Variants in TLE4 observed in about 807,000 individuals in gnomAD.
TLE4 encodes the protein transducin-like enhancer protein 4.
TLE4 carries 8 observed loss-of-function variants against 92.8 expected under a neutral mutation model. The observed-to-expected ratio is 0.09, with a 90% confidence interval of 0.05 to 0.16. The LOEUF (loss-of-function observed/expected upper bound fraction) is 0.16, where lower values mean the gene tolerates loss of function less well. TLE4 is among the 10% of genes least tolerant of loss of function. TLE4 has a pLI of 1.00. For missense variants in TLE4, 675 were observed against 997.6 expected (o/e 0.68, Z 4.36); for synonymous variants, 371 against 374.1 (o/e 0.99, Z 0.10).
chr9:79,578,618 G>T (rs916868812), intron 4 of TLE4, among the ~76,000 whole-genome samples: 9 of 152,122 alleles, frequency 5.9e-5, no homozygotes, highest in Non-Finnish European at 1.0e-4. Context: ...TGTTGATTCT[G>T]ATAGAGAACT....
intron 6 of TLE4, among the ~76,000 whole-genome samples, chr9:79,640,566 C>T (rs1215398197): frequency 6.6e-6 from 1 of 151,988 alleles, no homozygotes; most frequent in Non-Finnish European, 1.5e-5. Flanking sequence ...TACCTAGTTA[C>T]TTATGTTCCA....
chr9:79,575,342 A>G (rs1328520291), intron 3 of TLE4, among the ~76,000 whole-genome samples: 1 of 152,232 alleles, frequency 6.6e-6, no homozygotes, highest in Non-Finnish European at 1.5e-5. Context: ...TCTTATTATT[A>G]AAGACATTAT....
chr9:79,605,761 T>C (rs1189935095), intron 4 of TLE4, among the ~76,000 whole-genome samples: 1 of 152,130 alleles, frequency 6.6e-6, no homozygotes, highest in African/African-American at 2.4e-5. Context: ...GACAAATAAA[T>C]GGGACACTTG....
rs556511951 is a variant in TLE4 at position 79,685,151 on chromosome 9, A to T, written c.610-19632A>T. On this transcript the variant is annotated intron_variant, in intron 8 of 19. Coordinates refer to ENST00000376552, the MANE Select transcript of TLE4 (RefSeq NM_007005.6). ...CACCTCTTGTGTTTGAAATAACACA[A>T]AGAGTATTGTTTCCAAGACGACTTT... 3.3e-5 allele frequency among the ~76,000 whole-genome samples: 5 copies of T among 152,304 alleles called. No homozygotes were observed. The South Asian group carries it at 1.0e-3, about 32-fold the overall frequency.
chr9:79,634,591 A>G (rs1407534708), intron 6 of TLE4, among the ~76,000 whole-genome samples: 1 of 152,124 alleles, frequency 6.6e-6, no homozygotes, highest in Non-Finnish European at 1.5e-5. Context: ...AACTGCCACC[A>G]CAATCAAGAT....
chr9:79,595,908 A>G (rs974812196), intron 4 of TLE4, among the ~76,000 whole-genome samples: 16 of 146,394 alleles, frequency 1.1e-4, no homozygotes, highest in South Asian at 6.4e-4. Flanking sequence ...GTGCAGTGGC[A>G]CGATCTCAGC....
At chr9:79,668,494 C>G (rs1359069877) in intron 8 of TLE4, among the ~76,000 whole-genome samples, 3 of 152,092 alleles carry the variant, frequency 2.0e-5, no homozygotes, top group Admixed American at 2.0e-4. Context: ...GCTTATGTAC[C>G]TTGGCTCACA....
Position 79,572,720 on chromosome 9 carries a change from C to T in TLE4, c.-71C>T. On this transcript the variant is annotated 5_prime_UTR_variant, in exon 1 of 20. Transcript: ENST00000376552. ...CGGCCGCCTCCGCTGCCGCGGCCGC[C>T]TCCTCTTCGGGGTCATTAAAGCCAA... 2 of 1,531,814 alleles carry T rather than the reference C, an allele frequency of 1.3e-6. No individual in the cohort carries two copies. Among genetic ancestry groups the T allele is most frequent in the Non-Finnish European group, 1.8e-6 (2 of 1,127,142 alleles). 94.9% of individuals were successfully genotyped at this position (1,531,814 alleles called of 1,614,324 possible). A position where few individuals can be genotyped will look rare whatever the true frequency, so the allele number is the denominator to read the frequency against.
At chr9:79,603,097 AAAGT>A (rs2046022730) in intron 4 of TLE4, among the ~76,000 whole-genome samples, 1 of 152,186 alleles carries the variant, frequency 6.6e-6, no homozygotes, top group African/African-American at 2.4e-5. Flanking sequence ...ATGAGCAAAG[AAAGT>A]AGTTTCTTGA....
intron 14 of TLE4, among the ~76,000 whole-genome samples, chr9:79,715,353 C>G (rs1042633013): frequency 2.6e-5 from 4 of 152,016 alleles, no homozygotes; most frequent in Admixed American, 1.3e-4. Context: ...ATCAATTAGC[C>G]TTTTTCTCGG....
At chr9:79,723,585 G>A (rs548095581) in intron 19 of TLE4, among the ~76,000 whole-genome samples, 4 of 152,242 alleles carry the variant, frequency 2.6e-5, no homozygotes, top group Admixed American at 1.3e-4. Context: ...GCACACACAC[G>A]CTCTCCTCCT....
intron 18 of TLE4, 50 bp downstream of exon 18, chr9:79,722,651 C>G: frequency 6.3e-7 from 1 of 1,595,626 alleles, no homozygotes; most frequent in Non-Finnish European, 8.5e-7. Context: ...TTGCTCCTTC[C>G]CCCTTCCTGT....
chr9:79,717,784 G>A (rs1218294608), intron 14 of TLE4, among the ~76,000 whole-genome samples: 1 of 152,150 alleles, frequency 6.6e-6, no homozygotes, highest in African/African-American at 2.4e-5. Context: ...CAAGCTCCGT[G>A]CCCAAGTAGA....
intron 8 of TLE4, among the ~76,000 whole-genome samples, chr9:79,663,035 C>T (rs886508147): frequency 1.3e-5 from 2 of 151,468 alleles, no homozygotes; most frequent in Non-Finnish European, 2.9e-5. Context: ...GTGATTTTAA[C>T]CTCCCAACCT....
intron 8 of TLE4, among the ~76,000 whole-genome samples, chr9:79,700,958 T>C (rs547052681): frequency 6.6e-6 from 1 of 152,308 alleles, no homozygotes; most frequent in East Asian, 1.9e-4. Context: ...AAGTTTCTTA[T>C]GTAGTAAACT....
At chr9:79,700,462 G>C (rs2069498822) in intron 8 of TLE4, among the ~76,000 whole-genome samples, 1 of 152,188 alleles carries the variant, frequency 6.6e-6, no homozygotes, top group African/African-American at 2.4e-5. Context: ...CAAGTTGCTG[G>C]AGGTGTCAGT....
intron 6 of TLE4, among the ~76,000 whole-genome samples, chr9:79,651,699 T>A (rs569904112): frequency 3.9e-5 from 6 of 152,318 alleles, no homozygotes; most frequent in African/African-American, 1.4e-4. Context: ...TCTTTAGTAA[T>A]TTGCTCAAGT....
At chr9:79,596,076 G>A (rs1376829253) in intron 4 of TLE4, among the ~76,000 whole-genome samples, 1 of 152,090 alleles carries the variant, frequency 6.6e-6, no homozygotes, top group African/African-American at 2.4e-5. Context: ...TCGATCTCCT[G>A]ACCTCGTGAT....
chr9:79,614,246 G>C (rs534653010), intron 5 of TLE4, among the ~76,000 whole-genome samples: 1 of 152,100 alleles, frequency 6.6e-6, no homozygotes, highest in Non-Finnish European at 1.5e-5. Context: ...GGAAAAGTTC[G>C]AATTATCCCT....
Sources: gnomAD v4.1 joint callset for allele counts (sites outside exome capture counted in the v4.1 genomes callset) on GRCh38, gnomAD v4.1.1 for gene constraint, MANE v1.5 for transcripts, NCBI Gene and HGNC (gene_info 2026-07-23, HGNC 2026-07-21) for gene names.